The following RAPGEF6 variants were observed in gnomAD, a reference collection of about 807,000 sequenced individuals.
RAPGEF6 encodes Rap guanine nucleotide exchange factor 6.
RAPGEF6 carries 56 observed loss-of-function variants against 171.4 expected under a neutral mutation model. The observed-to-expected ratio is 0.33, with a 90% CI of 0.26 to 0.41. RAPGEF6 has a LOEUF of 0.41. RAPGEF6 is among the 10% of genes least tolerant of loss of function. The pLI is 1.00. For synonymous variants in RAPGEF6, 692 were observed against 650.1 expected (o/e 1.06, Z -0.98); for missense variants, 1,674 against 1,921.4 (o/e 0.87, Z 2.41).
chr5:131,450,067 C>G, intron 21 of RAPGEF6: 1 of 1,539,524 alleles, frequency 6.5e-7, no homozygotes, highest in Non-Finnish European at 8.7e-7. Flanking sequence ...GAGCCACAAA[C>G]ATTGAAGCAT....
Position 131,431,212 on chromosome 5 carries a change from C to G in RAPGEF6, c.4112G>C (p.Ser1371Thr). The change falls in exon 26 of 28, where the codon AGC (serine) becomes ACC (threonine). Residue 1371 changes from serine (S) to threonine (T), a missense_variant. Physicochemically the swap from Ser to Thr is moderately conservative, Grantham distance 58. This residue lies in a region of RAPGEF6 where 552 missense variants were observed against 574.2 expected (regional missense o/e 0.96). Coordinates refer to ENST00000509018, the MANE Select transcript of RAPGEF6 (RefSeq NM_016340.6). Reference protein sequence around the residue: ...GRGSWTSCSSSSHDNFQSLPN... With the variant: ...GRGSWTSCSSTSHDNFQSLPN... The stretch of plus-strand genomic sequence containing the variant: ...AAGGCTTTGGAAGTTGTCATGGGAG[C>G]TGCTTGAACACGAAGTCCAACTTCC... 6.2e-7 allele frequency: 1 copy of G among 1,614,192 alleles called. No homozygotes were observed.
chr5:131,435,807 T>A, intron 24 of RAPGEF6: 1 of 1,371,858 alleles, frequency 7.3e-7, no homozygotes, highest in South Asian at 1.6e-5. Flanking sequence ...AAATAACTTA[T>A]GTACAAATGA....
At chr5:131,511,478 CA>C (rs1412444530) in intron 7 of RAPGEF6, among the ~76,000 whole-genome samples, 56 of 111,850 alleles carry the variant, frequency 5.0e-4, no homozygotes, top group Middle Eastern at 5.8e-3. Context: ...CCAAAAAGAT[CA>C]TCTTTTTTTT....
At chr5:131,508,332 A>C in intron 8 of RAPGEF6, 125 bp from the exon 9 acceptor site, 1 of 948,702 alleles carries the variant, frequency 1.1e-6, no homozygotes, top group Non-Finnish European at 1.5e-6. Flanking sequence ...TAAAGTAGAG[A>C]AACTAAGGTA....
At chr5:131,469,318 A>C (rs1754588353) in intron 17 of RAPGEF6, among the ~76,000 whole-genome samples, 1 of 152,158 alleles carries the variant, frequency 6.6e-6, no homozygotes, top group Admixed American at 6.5e-5. Flanking sequence ...CTGGCAGTTT[A>C]ATTTTTTTAA....
At chr5:131,553,317 G>A (rs943819499) in intron 5 of RAPGEF6, among the ~76,000 whole-genome samples, 2 of 152,220 alleles carry the variant, frequency 1.3e-5, no homozygotes, top group African/African-American at 4.8e-5. Context: ...CTCAACTCCA[G>A]TAGAAATGTG....
intron 1 of RAPGEF6, among the ~76,000 whole-genome samples, chr5:131,615,799 G>A (rs1410576743): frequency 1.3e-5 from 2 of 152,088 alleles, no homozygotes; most frequent in South Asian, 2.1e-4. Context: ...CTACTTGGGA[G>A]GCTGAGGCAT....
At chr5:131,489,886 G>A in intron 14 of RAPGEF6, among the ~76,000 whole-genome samples, 1 of 150,782 alleles carries the variant, frequency 6.6e-6, no homozygotes, top group South Asian at 2.1e-4. Flanking sequence ...AATGCCCTCT[G>A]GGATCATACT....
chr5:131,466,375 G>A (rs551152920), intron 17 of RAPGEF6, among the ~76,000 whole-genome samples: 1 of 152,094 alleles, frequency 6.6e-6, no homozygotes, highest in Non-Finnish European at 1.5e-5. Flanking sequence ...GACATCATCA[G>A]GTTTTTAAAC....
intron 22 of RAPGEF6, among the ~76,000 whole-genome samples, chr5:131,444,935 T>G (rs764533954): frequency 2.0e-5 from 3 of 152,206 alleles, no homozygotes; most frequent in Non-Finnish European, 2.9e-5. Context: ...AGCTTTTACC[T>G]TTAACATGTA....
At chr5:131,508,296 A>G (rs934474246) in intron 8 of RAPGEF6, 89 bp from the exon 9 acceptor site, 3 of 1,256,322 alleles carry the variant, frequency 2.4e-6, no homozygotes, top group Non-Finnish European at 3.2e-6. Flanking sequence ...TCCCAATTTC[A>G]CAATCAACTT....
intron 4 of RAPGEF6, among the ~76,000 whole-genome samples, chr5:131,567,179 T>C (rs1227679791): frequency 6.6e-6 from 1 of 152,152 alleles, no homozygotes; most frequent in Admixed American, 6.6e-5. Flanking sequence ...TTCTGGAAAT[T>C]TGTATCTTTT....
chr5:131,497,147 G>A (rs1756691466), intron 12 of RAPGEF6, among the ~76,000 whole-genome samples: 1 of 152,106 alleles, frequency 6.6e-6, no homozygotes, highest in Admixed American at 6.6e-5. Context: ...TCTTTGTCAT[G>A]TGCCTGTTGG....
At chr5:131,444,309 A>G (rs1432317405) in intron 22 of RAPGEF6, among the ~76,000 whole-genome samples, 1 of 152,220 alleles carries the variant, frequency 6.6e-6, no homozygotes, top group Non-Finnish European at 1.5e-5. Flanking sequence ...AGAGGTTATC[A>G]TCTTTGGTTA....
At chr5:131,546,690 T>TA (rs1760563022) in intron 6 of RAPGEF6, among the ~76,000 whole-genome samples, 1 of 152,154 alleles carries the variant, frequency 6.6e-6, no homozygotes, top group Non-Finnish European at 1.5e-5. Flanking sequence ...AGCATATTAT[T>TA]ATAATGGAGT....
chr5:131,592,031 A>G (rs909769201), intron 4 of RAPGEF6, among the ~76,000 whole-genome samples: 22 of 151,958 alleles, frequency 1.4e-4, no homozygotes, highest in Admixed American at 1.4e-3. Context: ...CTAATTTTGT[A>G]TTTTAATAGA....
At chr5:131,474,762 G>A (rs896606774) in intron 16 of RAPGEF6, among the ~76,000 whole-genome samples, 32 of 152,222 alleles carry the variant, frequency 2.1e-4, no homozygotes, top group Non-Finnish European at 8.8e-5. Flanking sequence ...GGTATTTAAA[G>A]TATACAGAAA....
chr5:131,565,017 T>C (rs1761845204), intron 4 of RAPGEF6, among the ~76,000 whole-genome samples: 1 of 152,152 alleles, frequency 6.6e-6, no homozygotes, highest in South Asian at 2.1e-4. Context: ...TTAGGGCTAT[T>C]AAAATACGTA....
At chr5:131,498,384 A>G (rs1756777668) in intron 12 of RAPGEF6, 59 bp downstream of exon 12, 1 of 1,475,734 alleles carries the variant, frequency 6.8e-7, no homozygotes, top group South Asian at 1.3e-5. Flanking sequence ...ATCAACTATA[A>G]AAGTTTCATG....
Sources: allele counts gnomAD v4.1 joint callset (sites outside exome capture counted in the v4.1 genomes callset), GRCh38; gene constraint gnomAD v4.1.1; regional missense constraint gnomAD v4.1.1; transcripts MANE v1.5; gene names NCBI Gene and HGNC (gene_info 2026-07-23, HGNC 2026-07-21).